LGALS9: variants seen among roughly 807,000 people sequenced by gnomAD.
LGALS9 encodes the protein galectin-9.
LGALS9 carries 26 observed loss-of-function variants against 35.9 expected under a neutral mutation model. The observed-to-expected ratio is 0.72, with a 90% CI of 0.53 to 1.01. LGALS9 has a LOEUF of 1.01. Ranked by LOEUF, LGALS9 falls within the 50% of genes least tolerant of loss-of-function variation. LGALS9 has a pLI of 0.00. For missense variants in LGALS9, 347 were observed against 445.8 expected (o/e 0.78, Z 1.99); for synonymous variants, 149 against 172.2 (o/e 0.87, Z 1.06).
Position 27,640,652 on chromosome 17 carries a change from A to C in LGALS9, c.212A>C (p.Tyr71Ser). Residue 71 changes from tyrosine to serine, a missense_variant, in exon 3 of 11, where the codon TAC becomes TCC. Tyr to Ser is a moderately radical substitution (Grantham distance 144, BLOSUM62 -2). Coordinates refer to ENST00000395473, the MANE Select transcript of LGALS9 (RefSeq NM_009587.3). ...HFNPRFEDGGYVVCNTRQNGS... is the reference protein window; with the variant it reads ...HFNPRFEDGGSVVCNTRQNGS... ...AACCCTCGGTTTGAAGATGGAGGGTACGTGGTGTGCAACACGAGGCAGAAC... is the reference window on the plus strand; with the variant it reads ...AACCCTCGGTTTGAAGATGGAGGGTCCGTGGTGTGCAACACGAGGCAGAAC... 1.2e-6 allele frequency: 2 copies of C among 1,614,236 alleles called. No homozygotes were observed. The highest frequency in any genetic ancestry group is 1.7e-6 in the Non-Finnish European group (2 of 1,180,026).
intron 10 of LGALS9, among the ~76,000 whole-genome samples, chr17:27,648,631 A>G (rs533303263): frequency 6.6e-6 from 1 of 152,222 alleles, no homozygotes; most frequent in South Asian, 2.1e-4. Flanking sequence ...GGGTGGGAAC[A>G]GTATTCTAGA....
chr17:27,642,625 G>A (rs1187967231), intron 4 of LGALS9, among the ~76,000 whole-genome samples: 1 of 151,960 alleles, frequency 6.6e-6, no homozygotes, highest in Non-Finnish European at 1.5e-5. Context: ...CTGGTAAGGA[G>A]GGCATATTGT....
chr17:27,647,960 G>A (rs1207218890), intron 10 of LGALS9, among the ~76,000 whole-genome samples: 2 of 152,248 alleles, frequency 1.3e-5, no homozygotes, highest in Middle Eastern at 3.2e-3. Flanking sequence ...GGGCAGCTAG[G>A]GCCAACGTGC....
In LGALS9 at chr17:27,648,963, T is replaced by C; in HGVS notation, c.1049T>C (p.Leu350Pro). 6.2e-7 allele frequency: 1 copy of C among 1,613,960 alleles called. No individual in the cohort carries two copies. Among genetic ancestry groups the C allele is most frequent in the Non-Finnish European group, 8.5e-7 (1 of 1,179,844 alleles). The stretch of plus-strand genomic sequence containing the variant: ...CTGGAAGTGGGGGGCGACATCCAGC[T>C]GACCCATGTGCAGACATAGGCGGCT... ...NRLEVGGDIQ[L>P]THVQT The change falls in exon 11 of 11, where the codon CTG becomes CCG. Residue 350 changes from leucine to proline, a missense_variant. Physicochemically the swap from Leu to Pro is moderately conservative, Grantham distance 98 (BLOSUM62 -3). Transcript: ENST00000395473.
At chr17:27,641,798 A>G (rs1389333686) in intron 3 of LGALS9, among the ~76,000 whole-genome samples, 1 of 151,908 alleles carries the variant, frequency 6.6e-6, no homozygotes, top group Non-Finnish European at 1.5e-5. Context: ...ACATGGTGAA[A>G]CCCCATCTCT....
chr17:27,640,755 G>T lies in LGALS9; in HGVS notation c.315G>T (p.Val105=), dbSNP rs1310076647. The T allele has an allele frequency of 4.3e-6, 7 of 1,614,036 alleles. No individual in the cohort carries two copies. In the African/African-American group the frequency reaches 8.0e-5, roughly 18 times the overall value. Residue 105 remains valine (V), a synonymous_variant, in exon 3 of 11, where the codon GTG becomes GTT. Coordinates refer to ENST00000395473, the MANE Select transcript of LGALS9 (RefSeq NM_009587.3). ...KGMPFDLCFL[V]QSSDFKVMVN... is the part of the protein sequence containing the mutation. ...TGCCCTTTGACCTCTGCTTCCTGGT[G>T]CAGAGCTCAGATTTCAAGGTGAGCA...
chr17:27,634,465 C>T (rs1393794888), intron 1 of LGALS9, among the ~76,000 whole-genome samples: 1 of 152,108 alleles, frequency 6.6e-6, no homozygotes, highest in Non-Finnish European at 1.5e-5. Context: ...GTGGGAGGGT[C>T]ACGTGAGCCT....
intron 5 of LGALS9, 154 bp from the exon 6 acceptor site, chr17:27,645,160 G>C (rs577324104): frequency 1.3e-6 from 2 of 1,525,290 alleles, no homozygotes; most frequent in African/African-American, 1.4e-5. Flanking sequence ...TGGGTGCCAC[G>C]GGCTCAGGAA....
At position 27,648,844 on chromosome 17, in the gene LGALS9, C is replaced by G. The variant is rs778558190; in HGVS notation, c.930C>G (p.Ile310Met). The G allele has an allele frequency of 3.1e-6, 5 of 1,613,600 alleles. No homozygotes were observed. The highest frequency in any genetic ancestry group is 8.5e-7 in the Non-Finnish European group (1 of 1,179,822). Reference protein sequence around the residue: ...FVRGQSFSVWILCEAHCLKVA... With the variant: ...FVRGQSFSVWMLCEAHCLKVA... ...GCATGATCTCTGCACAGGTGTGGAT[C>G]TTGTGTGAAGCTCACTGCCTCAAGG... is the stretch of plus-strand genomic sequence containing the variant. The change falls in exon 11 of 11, where the codon ATC becomes ATG. Residue 310 changes from isoleucine to methionine, a missense_variant. By Grantham distance (10) the Ile-to-Met change is conservative. Transcript: ENST00000395473.
chr17:27,646,482 C>G (rs544228200), intron 7 of LGALS9, 65 bp from the exon 8 acceptor site: 1 of 1,610,146 alleles, frequency 6.2e-7, no homozygotes, highest in African/African-American at 1.3e-5. Flanking sequence ...CGCGTGGGTG[C>G]GCCTGGGTGA....
At chr17:27,646,669 C>A in intron 8 of LGALS9, 81 bp downstream of exon 8, 2 of 1,599,816 alleles carry the variant, frequency 1.3e-6, no homozygotes, top group Non-Finnish European at 8.6e-7. Context: ...GGGGGATCCA[C>A]TGGCCTTGAA....
rs768519478 is a variant in LGALS9 at position 27,646,552 on chromosome 17, C to G, written c.633C>G (p.Pro211=). The G allele has an allele frequency of 1.2e-6, 2 of 1,612,122 alleles. No individual in the cohort carries two copies. Among genetic ancestry groups the G allele is most frequent in the Admixed American group, 1.7e-5 (1 of 60,022 alleles). ...TCCTGGTTTCTTTTCAACAGACTCC[C>G]GCCATCCCACCTATGATGTACCCCC... ...QSAPGQMFST[P]AIPPMMYPHP... The change falls in exon 8 of 11, where the codon CCC becomes CCG. Residue 211 remains proline (P), a synonymous_variant. Transcript: ENST00000395473.
rs750812607 is a variant in LGALS9 at position 27,640,602 on chromosome 17, T to C, written c.162T>C (p.Ser54=). ...CTGTGAACTTTCAGACTGGCTTCAGTGGAAATGACATTGCCTTCCACTTCA... is the reference window on the plus strand; with the variant it reads ...CTGTGAACTTTCAGACTGGCTTCAGCGGAAATGACATTGCCTTCCACTTCA... ...RFAVNFQTGF[S]GNDIAFHFNP... Residue 54 remains serine (S), a synonymous_variant, in exon 3 of 11, where the codon AGT becomes AGC. Coordinates refer to ENST00000395473, the MANE Select transcript of LGALS9 (RefSeq NM_009587.3). The C allele has an allele frequency of 1.2e-6, 2 of 1,614,138 alleles. No individual in the cohort carries two copies. Among genetic ancestry groups the C allele is most frequent in the Non-Finnish European group, 1.7e-6 (2 of 1,179,958 alleles).
At chr17:27,640,393 A>G in intron 2 of LGALS9, 179 bp from the exon 3 acceptor site, 1 of 958,096 alleles carries the variant, frequency 1.0e-6, no homozygotes, top group Non-Finnish European at 1.5e-6. Context: ...CAATAATTAA[A>G]ACAAAAACAC....
intron 1 of LGALS9, among the ~76,000 whole-genome samples, chr17:27,635,344 G>A (rs1357149353): frequency 6.6e-6 from 1 of 151,958 alleles, no homozygotes; most frequent in Non-Finnish European, 1.5e-5. Flanking sequence ...GGAGGTTGAG[G>A]CGGGAGGATT....
intron 4 of LGALS9, among the ~76,000 whole-genome samples, chr17:27,643,236 C>T (rs1904652634): frequency 6.6e-6 from 1 of 152,112 alleles, no homozygotes; most frequent in Non-Finnish European, 1.5e-5. Context: ...CACAGTAGGC[C>T]CTCAGCAAAT....
intron 4 of LGALS9, among the ~76,000 whole-genome samples, chr17:27,642,646 G>T (rs912456634): frequency 6.6e-6 from 1 of 151,950 alleles, no homozygotes; most frequent in South Asian, 2.1e-4. Context: ...TCTAGAAAGA[G>T]CCCAGGCTCA....
At chr17:27,636,864 T>G (rs550633280) in intron 1 of LGALS9, among the ~76,000 whole-genome samples, 37 of 152,222 alleles carry the variant, frequency 2.4e-4, no homozygotes, top group Admixed American at 2.3e-3. Context: ...TGTCTTCTCT[T>G]AAAAATTTGG....
chr17:27,631,227 G>C lies in LGALS9; in HGVS notation c.-39G>C. 1 of 1,614,066 alleles carries C rather than the reference G, an allele frequency of 6.2e-7. No individual in the cohort carries two copies. Among genetic ancestry groups the C allele is most frequent in the Non-Finnish European group, 8.5e-7 (1 of 1,179,958 alleles). On this transcript the variant is annotated 5_prime_UTR_variant, in exon 1 of 11. Transcript: ENST00000395473. ...TCCCTCTACAAAGGACTTCCTAGTG[G>C]GTGTGAAAGGCAGCGGTGGCCACAG...
Sources: gnomAD v4.1 joint callset for allele counts (sites outside exome capture counted in the v4.1 genomes callset) on GRCh38, gnomAD v4.1.1 for gene constraint, MANE v1.5 for transcripts, NCBI Gene and HGNC (gene_info 2026-07-23, HGNC 2026-07-21) for gene names.